The following TMEM232 variants were observed in gnomAD, a reference collection of about 807,000 sequenced individuals.
The protein encoded by TMEM232 is transmembrane protein 232.
In TMEM232, 80 loss-of-function variants were observed where a neutral mutation model predicts 78.8. That is an observed-to-expected ratio of 1.01 (90% CI 0.85 to 1.22). The LOEUF is 1.22. Among genes scored for constraint, TMEM232 ranks in the 50% most tolerant of loss-of-function variants. The probability of loss-of-function intolerance (pLI) is 0.00; values close to 1 mark genes in which losing one functional copy is unlikely to be tolerated. For missense variants in TMEM232, 881 were observed against 742.2 expected, an observed-to-expected ratio of 1.19 and a Z score of -2.17; for synonymous variants, 297 against 254.3, an observed-to-expected ratio of 1.17 and a Z score of -1.60.
chr5:110,738,160 T>G, upstream of TMEM232: 1 of 1,206,100 alleles, frequency 8.3e-7, no homozygotes, highest in South Asian at 1.4e-5. Flanking sequence ...TCCAACGAGT[T>G]GAAGGAACAT....
intron 2 of TMEM232, among the ~76,000 whole-genome samples, chr5:110,646,387 A>T (rs1580486337): frequency 6.6e-6 from 1 of 151,806 alleles, no homozygotes; most frequent in Non-Finnish European, 1.5e-5. Context: ...CTAAAAGCCA[A>T]TGGAGGAGAA....
chr5:110,618,187 AT>A (rs1453753499), intron 8 of TMEM232, among the ~76,000 whole-genome samples: 3 of 150,324 alleles, frequency 2.0e-5, no homozygotes, highest in Admixed American at 6.7e-5. Flanking sequence ...ACTGCATTTA[AT>A]AAAAAAAAAA....
intron 12 of TMEM232, among the ~76,000 whole-genome samples, chr5:110,444,313 G>T (rs948522022): frequency 1.3e-5 from 2 of 152,078 alleles, no homozygotes; most frequent in Non-Finnish European, 2.9e-5. Context: ...CTGTGTGGGC[G>T]CTGGCTGAGT....
At chr5:110,684,745 T>C (rs1361037725) in intron 1 of TMEM232, 3 of 152,180 alleles carry the variant, frequency 2.0e-5, no homozygotes, top group Non-Finnish European at 2.9e-5. Flanking sequence ...TTAGAGAATA[T>C]ACATTTTTCC....
intron 1 of TMEM232, among the ~76,000 whole-genome samples, chr5:110,694,859 T>G (rs1278013180): frequency 6.6e-6 from 1 of 152,072 alleles, no homozygotes; most frequent in Non-Finnish European, 1.5e-5. Flanking sequence ...AATGGGAGAC[T>G]TTAACACCCC....
chr5:110,590,177 C>A (rs1229042945), intron 10 of TMEM232, among the ~76,000 whole-genome samples: 1 of 151,944 alleles, frequency 6.6e-6, no homozygotes, highest in Non-Finnish European at 1.5e-5. Flanking sequence ...TGCCAGAGAC[C>A]CCAACTTGAA....
chr5:110,396,010 A>G (rs969949419), intron 3 of TMEM232, among the ~76,000 whole-genome samples: 4 of 152,154 alleles, frequency 2.6e-5, no homozygotes, highest in Non-Finnish European at 5.9e-5. Context: ...CCATTTTCAT[A>G]GTGCTATAAA....
intron 2 of TMEM232, among the ~76,000 whole-genome samples, chr5:110,647,673 T>A (rs1337683919): frequency 1.3e-5 from 2 of 151,952 alleles, no homozygotes; most frequent in East Asian, 3.8e-4. Context: ...AAAGTTCAAT[T>A]GATCTTAATA....
At chr5:110,391,086 C>G (rs918328927) in intron 3 of TMEM232, among the ~76,000 whole-genome samples, 3 of 152,200 alleles carry the variant, frequency 2.0e-5, no homozygotes, top group African/African-American at 7.2e-5. Context: ...ATGTGTAGCA[C>G]TAGCTGCTTG....
intron 12 of TMEM232, among the ~76,000 whole-genome samples, chr5:110,473,647 T>G (rs537396693): frequency 6.6e-6 from 1 of 151,180 alleles, no homozygotes; most frequent in African/African-American, 2.4e-5. Context: ...TGGGTATATA[T>G]TCAAAGGAAA....
chr5:110,571,450 G>A lies in TMEM232; in HGVS notation c.1277-2825C>T, dbSNP rs911237551. 3.9e-5 allele frequency among the ~76,000 whole-genome samples: 6 copies of A among 152,002 alleles called. 1 individual carries two copies. In the East Asian group the frequency reaches 9.7e-4, roughly 25 times the overall value. On this transcript the variant is annotated intron_variant, in intron 10 of 13. Coordinates refer to ENST00000455884, the MANE Select transcript of TMEM232 (RefSeq NM_001039763.4). ...CAGGAATATGGCCCCCAGTAGTGAG[G>A]TAGTTATACAGACAGAGAAGGGAAG...
chr5:110,688,412 G>A (rs894884317), intron 1 of TMEM232, among the ~76,000 whole-genome samples: 4 of 152,188 alleles, frequency 2.6e-5, no homozygotes, highest in African/African-American at 9.7e-5. Flanking sequence ...ATTGTGGAGA[G>A]AGAGAGATGT....
intron 12 of TMEM232, among the ~76,000 whole-genome samples, chr5:110,518,123 ACT>A (rs71626631): frequency 0.33 from 47,587 of 143,172 alleles, 13,010 homozygotes; most frequent in African/African-American, 0.75. Context: ...CTCTATGTCT[ACT>A]CTCTCTCTCT....
chr5:110,577,746 T>G (rs903217699), intron 10 of TMEM232, among the ~76,000 whole-genome samples: 48 of 152,164 alleles, frequency 3.2e-4, no homozygotes, highest in African/African-American at 1.1e-3. Context: ...CTTAAGGCCA[T>G]TATCCTTAGA....
At position 110,605,226 on chromosome 5, in the gene TMEM232, G is replaced by T; in HGVS notation, c.1159C>A (p.His387Asn). ...ATATTTTTTTGTGAACTTTTACAGT[G>T]ACAGAAACCAATTAAAGCAGTTTTT... ...LRKTALIGFCHCKSSQKNILY... is the reference protein window; with the variant it reads ...LRKTALIGFCNCKSSQKNILY... Residue 387 changes from histidine (H) to asparagine (N), a missense_variant, in exon 10 of 14, where the codon CAC (histidine) becomes AAC (asparagine). By Grantham distance (68) the His-to-Asn change is moderately conservative. Coordinates refer to ENST00000455884, the MANE Select transcript of TMEM232 (RefSeq NM_001039763.4). The T allele has an allele frequency of 6.4e-7, 1 of 1,551,112 alleles. No homozygotes were observed. The highest frequency in any genetic ancestry group is 8.7e-7 in the Non-Finnish European group (1 of 1,146,690).
intron 11 of TMEM232, among the ~76,000 whole-genome samples, chr5:110,559,018 T>C (rs1434423333): frequency 6.6e-6 from 1 of 152,202 alleles, no homozygotes; most frequent in Non-Finnish European, 1.5e-5. Context: ...TCCAGGGATC[T>C]GCTCAGAGTA....
rs554212698 is a variant in TMEM232 at position 110,540,935 on chromosome 5, T to A, written c.1456-12100A>T. 2.3e-4 allele frequency among the ~76,000 whole-genome samples: 35 copies of A among 152,302 alleles called. 1 individual carries two copies. Among genetic ancestry groups the A allele is most frequent in the African/African-American group, 8.2e-4 (34 of 41,576 alleles). ...GTACACCTGCCAAAGGCCATAGCTA[T>A]AATTCATTGTAGGGGACTTAACGCC... is the stretch of plus-strand genomic sequence containing the variant. On this transcript the variant is annotated intron_variant, in intron 11 of 13. Transcript: ENST00000455884.
At chr5:110,409,717 T>C (rs1244830657) in intron 2 of TMEM232, among the ~76,000 whole-genome samples, 1 of 152,078 alleles carries the variant, frequency 6.6e-6, no homozygotes, top group Non-Finnish European at 1.5e-5. Context: ...TTTTCAGGGT[T>C]GGGATGGTCT....
chr5:110,625,925 A>C (rs1784371761), intron 6 of TMEM232, among the ~76,000 whole-genome samples: 1 of 151,982 alleles, frequency 6.6e-6, no homozygotes, highest in African/African-American at 2.4e-5. Context: ...ATTTAACATA[A>C]CACCACATTA....
Sources: gnomAD v4.1 joint callset for allele counts (sites outside exome capture counted in the v4.1 genomes callset) on GRCh38, gnomAD v4.1.1 for gene constraint, MANE v1.5 for transcripts, NCBI Gene and HGNC (gene_info 2026-07-23, HGNC 2026-07-21) for gene names.